The following AKAP12 variants were observed in gnomAD, a reference collection of about 807,000 sequenced individuals.
AKAP12 encodes the protein A-kinase anchoring protein 12.
AKAP12 carries 32 observed loss-of-function variants against 79.9 expected under a neutral mutation model. The observed-to-expected ratio is 0.40, with a 90% CI of 0.30 to 0.54. The LOEUF (loss-of-function observed/expected upper bound fraction) is 0.54. Ranked by LOEUF, AKAP12 falls within the 20% of genes least tolerant of loss-of-function variation. The pLI is 0.48. For missense variants in AKAP12, 2,074 were observed against 2,177.0 expected (o/e 0.95, Z 0.94); for synonymous variants, 808 against 857.0 (o/e 0.94, Z 1.00).
In AKAP12 at chr6:151,318,127, G is replaced by A. The variant is rs569633290; in HGVS notation, c.319+12224G>A. ...TTTGTGAGGTACTTAGGTCATGAGGGTGGAGCCCTCATGAATGGGATTAGT... is the reference window on the plus strand; with the variant it reads ...TTTGTGAGGTACTTAGGTCATGAGGATGGAGCCCTCATGAATGGGATTAGT... On this transcript the variant is annotated intron_variant, in intron 3 of 4. Coordinates refer to ENST00000402676, the MANE Select transcript of AKAP12 (RefSeq NM_005100.4). Among the ~76,000 whole-genome samples, 289 of 152,252 alleles carry A rather than the reference G, an allele frequency of 1.9e-3. 1 individual carries two copies. Among genetic ancestry groups the A allele is most frequent in the African/African-American group, 6.3e-3 (261 of 41,550 alleles).
At chr6:151,275,291 G>A (rs1250681388) in intron 2 of AKAP12, among the ~76,000 whole-genome samples, 1 of 152,086 alleles carries the variant, frequency 6.6e-6, no homozygotes, top group Non-Finnish European at 1.5e-5. Flanking sequence ...CGAGAGGTTT[G>A]CATTCGAGAG....
chr6:151,277,855 C>T (rs982610403), intron 2 of AKAP12, among the ~76,000 whole-genome samples: 12 of 151,918 alleles, frequency 7.9e-5, no homozygotes, highest in Non-Finnish European at 1.5e-5. Flanking sequence ...GATGTTTTTC[C>T]TAATGTTAAA....
rs1389172326 is a variant in AKAP12, at chr6:151,240,637, C to A, written c.75C>A (p.Pro25=). ...AGGGGAGCTCCACGCCGGCTGAGCC[C>A]GAGCCCAGCGGCGGCGGCCCCTCGG... ...PPEGSSTPAE[P]EPSGGGPSAE... is the part of the protein sequence containing the mutation. The change falls in exon 2 of 5, where the codon CCC becomes CCA. Residue 25 remains proline, a synonymous_variant. Coordinates refer to ENST00000402676, the MANE Select transcript of AKAP12 (RefSeq NM_005100.4). The A allele has an allele frequency of 7.4e-7, 1 of 1,356,078 alleles. No individual in the cohort carries two copies. Among genetic ancestry groups the A allele is most frequent in the Non-Finnish European group, 9.5e-7 (1 of 1,058,154 alleles). The allele number at this position is 1,356,078 out of a possible 1,614,324, so 84.0% of individuals were successfully genotyped here. A position where few individuals can be genotyped will look rare whatever the true frequency, so the allele number is the denominator to read the frequency against.
chr6:151,250,284 G>C (rs1394005411), intron 2 of AKAP12, among the ~76,000 whole-genome samples: 1 of 151,532 alleles, frequency 6.6e-6, no homozygotes, highest in East Asian at 2.0e-4. Flanking sequence ...GATCATTTGA[G>C]GTCAGGAGTT....
chr6:151,349,139 G>C lies in AKAP12; in HGVS notation c.748G>C (p.Ala250Pro). 1 of 1,613,788 alleles carries C rather than the reference G, an allele frequency of 6.2e-7. No individual in the cohort carries two copies. Among genetic ancestry groups the C allele is most frequent in the Non-Finnish European group, 8.5e-7 (1 of 1,180,016 alleles). The change falls in exon 4 of 5, where the codon GCA (alanine) becomes CCA (proline). Residue 250 changes from alanine (A) to proline (P), a missense_variant. Coordinates refer to ENST00000402676, the MANE Select transcript of AKAP12 (RefSeq NM_005100.4). ...EETLKREQSH[A>P]EISPPAESGQ... is the part of the protein sequence containing the mutation. Reference sequence around the variant, plus strand: ...GACCCTGAAGCGTGAGCAAAGCCACGCAGAAATTTCTCCCCCAGCCGAATC... The same window carrying C: ...GACCCTGAAGCGTGAGCAAAGCCACCCAGAAATTTCTCCCCCAGCCGAATC...
chr6:151,281,505 G>T (rs1406244566), intron 2 of AKAP12, among the ~76,000 whole-genome samples: 1 of 152,144 alleles, frequency 6.6e-6, no homozygotes, highest in African/African-American at 2.4e-5. Context: ...ATATGCTTCA[G>T]ATCTCATGGT....
intron 2 of AKAP12, among the ~76,000 whole-genome samples, chr6:151,261,683 G>A (rs1367071206): frequency 2.0e-5 from 3 of 151,250 alleles, no homozygotes; most frequent in African/African-American, 7.3e-5. Context: ...CCTGTCGACA[G>A]AGCCAGACTC....
intron 2 of AKAP12, among the ~76,000 whole-genome samples, chr6:151,243,924 C>T (rs1220657862): frequency 1.3e-5 from 2 of 152,188 alleles, no homozygotes; most frequent in Non-Finnish European, 2.9e-5. Context: ...TGACCAGTGA[C>T]AAACTGACTT....
At chr6:151,320,134 A>G (rs1777340193) in intron 3 of AKAP12, among the ~76,000 whole-genome samples, 1 of 152,070 alleles carries the variant, frequency 6.6e-6, no homozygotes, top group Non-Finnish European at 1.5e-5. Context: ...TATTGGTTTT[A>G]ATTCTGAGTG....
At chr6:151,293,637 G>A (rs1776664424) in intron 2 of AKAP12, among the ~76,000 whole-genome samples, 1 of 152,174 alleles carries the variant, frequency 6.6e-6, no homozygotes, top group Non-Finnish European at 1.5e-5. Context: ...AACTTGACAT[G>A]ATCTGGGACC....
chr6:151,341,620 G>A, intron 3 of AKAP12: 3 of 929,248 alleles, frequency 3.2e-6, no homozygotes, highest in Non-Finnish European at 4.0e-6. Flanking sequence ...TGGGCCTCAC[G>A]GGCGGCTGTT....
In AKAP12 at chr6:151,348,774, C is replaced by T. The variant is rs1213414907; in HGVS notation, c.383C>T (p.Ser128Leu). ...TCCGATAAAGAGATGGCTACTAAGT[C>T]AGCGGTTGTTCACGACATCACAGAT... ...RDSDKEMATK[S>L]AVVHDITDDG... Residue 128 changes from serine to leucine, a missense_variant, in exon 4 of 5, where the codon TCA (serine) becomes TTA (leucine). By Grantham distance (145) the Ser-to-Leu change is moderately radical (BLOSUM62 -2). Coordinates refer to ENST00000402676, the MANE Select transcript of AKAP12 (RefSeq NM_005100.4). 1.0e-5 allele frequency: 15 copies of T among 1,444,774 alleles called. No individual in the cohort carries two copies. Among genetic ancestry groups the T allele is most frequent in the Non-Finnish European group, 1.3e-5 (14 of 1,079,136 alleles). 89.5% of individuals were successfully genotyped at this position (1,444,774 alleles called of 1,614,324 possible).
chr6:151,272,230 A>G (rs1373816928), intron 2 of AKAP12, among the ~76,000 whole-genome samples: 1 of 151,448 alleles, frequency 6.6e-6, no homozygotes, highest in East Asian at 2.0e-4. Flanking sequence ...CTGTAGTCCT[A>G]GCTACTTAGG....
chr6:151,274,327 C>G (rs1385701837), intron 2 of AKAP12, among the ~76,000 whole-genome samples: 6 of 152,154 alleles, frequency 3.9e-5, no homozygotes, highest in Admixed American at 2.0e-4. Flanking sequence ...AATCCACCTG[C>G]CTTGGTCTTC....
intron 2 of AKAP12, among the ~76,000 whole-genome samples, chr6:151,282,226 C>G (rs1776424165): frequency 6.6e-6 from 1 of 152,090 alleles, no homozygotes; most frequent in Admixed American, 6.5e-5. Flanking sequence ...GTAGCTGCCT[C>G]AGCCTCCTGA....
Position 151,351,386 on chromosome 6 carries a change from A to G in AKAP12, c.2995A>G (p.Thr999Ala). ...EGTEASAAEETTEMVSAVSQL... is the reference protein window; with the variant it reads ...EGTEASAAEEATEMVSAVSQL... ...AACCGAAGCATCTGCTGCTGAAGAG[A>G]CCACAGAAATGGTGTCAGCAGTCTC... The change falls in exon 4 of 5, where the codon ACC becomes GCC. Residue 999 changes from threonine to alanine, a missense_variant. Physicochemically the swap from Thr to Ala is moderately conservative, Grantham distance 58. Coordinates refer to ENST00000402676, the MANE Select transcript of AKAP12 (RefSeq NM_005100.4). This position sits in a 1 kb window ranked among gnomAD's most constrained non-coding sequence, Gnocchi z 4.4. 1.2e-6 allele frequency: 2 copies of G among 1,614,196 alleles called. No individual in the cohort carries two copies. Among genetic ancestry groups the G allele is most frequent in the Non-Finnish European group, 1.7e-6 (2 of 1,180,040 alleles).
intron 3 of AKAP12, among the ~76,000 whole-genome samples, chr6:151,313,478 G>T (rs1777164991): frequency 6.6e-6 from 1 of 152,156 alleles, no homozygotes; most frequent in African/African-American, 2.4e-5. Context: ...TCATTCTCCT[G>T]CTCTGCAGCA....
chr6:151,241,329 A>G (rs1459943809), intron 2 of AKAP12, among the ~76,000 whole-genome samples: 1 of 152,218 alleles, frequency 6.6e-6, no homozygotes, highest in African/African-American at 2.4e-5. Context: ...GCTCGCTCAG[A>G]GCCAGGAAAA....
chr6:151,301,211 C>G (rs901861177), intron 2 of AKAP12, among the ~76,000 whole-genome samples: 13 of 152,174 alleles, frequency 8.5e-5, no homozygotes, highest in African/African-American at 1.2e-4. Flanking sequence ...CTGGGCAGAG[C>G]TGTGTGTAAA....
Sources: gnomAD v4.1 joint callset for allele counts (sites outside exome capture counted in the v4.1 genomes callset) on GRCh38, gnomAD v4.1.1 for gene constraint, Gnocchi (gnomAD v3.1) non-coding constraint, MANE v1.5 for transcripts, NCBI Gene and HGNC (gene_info 2026-07-23, HGNC 2026-07-21) for gene names.